GABRB1: variants seen among roughly 807,000 people sequenced by gnomAD.
The protein encoded by GABRB1 is gamma-aminobutyric acid type A receptor subunit beta1.
In GABRB1, 17 loss-of-function variants were observed where a neutral mutation model predicts 51.6. The observed-to-expected ratio is 0.33, with a 90% confidence interval of 0.23 to 0.49. The LOEUF (loss-of-function observed/expected upper bound fraction) is 0.49. GABRB1 is among the 20% of genes least tolerant of loss of function. The pLI, the probability that GABRB1 is intolerant of heterozygous loss-of-function variation, is 0.99. For missense variants in GABRB1, 410 were observed against 600.6 expected (o/e 0.68, Z 3.32); for synonymous variants, 247 against 218.9 (o/e 1.13, Z -1.14).
intron 1 of GABRB1, among the ~76,000 whole-genome samples, chr4:47,019,280 T>C (rs1724838111): frequency 6.6e-6 from 1 of 152,188 alleles, no homozygotes; most frequent in Non-Finnish European, 1.5e-5. Flanking sequence ...GTTTTCTTTC[T>C]ACCTGTTTCT....
intron 4 of GABRB1, among the ~76,000 whole-genome samples, chr4:47,280,814 A>AT (rs750413197): frequency 0.048 from 5,973 of 124,926 alleles, 250 homozygotes; most frequent in African/African-American, 0.11. Flanking sequence ...TGTCTGGCTA[A>AT]TTTTTTTTTT....
chr4:47,203,047 C>A lies in GABRB1; in HGVS notation c.461+41578C>A, dbSNP rs578007063. Among the ~76,000 whole-genome samples the A allele has an allele frequency of 5.7e-4, 87 of 152,282 alleles. No homozygotes were observed. The South Asian group carries it at 8.9e-3, about 16-fold the overall frequency. ...CCTCCACCTCCCATACAGATACCTTCCAAGTAGGCTTTTCTGAGGAAAAGT... is the reference window on the plus strand; with the variant it reads ...CCTCCACCTCCCATACAGATACCTTACAAGTAGGCTTTTCTGAGGAAAAGT... On this transcript the variant is annotated intron_variant, in intron 4 of 8. Transcript: ENST00000295454.
At chr4:47,295,966 A>G (rs1433903984) in intron 4 of GABRB1, among the ~76,000 whole-genome samples, 1 of 152,152 alleles carries the variant, frequency 6.6e-6, no homozygotes, top group Non-Finnish European at 1.5e-5. Flanking sequence ...ACATTCTTAA[A>G]GAAAAGAATT....
At chr4:47,396,164 C>T (rs1011153460) in intron 5 of GABRB1, among the ~76,000 whole-genome samples, 1 of 152,054 alleles carries the variant, frequency 6.6e-6, no homozygotes, top group South Asian at 2.1e-4. Flanking sequence ...ACAACCATGG[C>T]AGAAGGCAAG....
rs899314829 is a variant in GABRB1 at position 47,085,575 on chromosome 4, T to TA, written c.240+53101dup. Among the ~76,000 whole-genome samples the TA allele has an allele frequency of 1.5e-3, 226 of 150,136 alleles. 1 individual carries two copies. The highest frequency in any genetic ancestry group is 1.2e-3 in the Non-Finnish European group (79 of 67,360). On this transcript the variant is annotated intron_variant, in intron 3 of 8. Coordinates refer to ENST00000295454, the MANE Select transcript of GABRB1 (RefSeq NM_000812.4). ...ACAACAAATTTAGAACAGCAAGTTC[T>TA]AAAAAAAAAATCTCACTTCTCAACA... is the stretch of plus-strand genomic sequence containing the variant.
chr4:47,187,289 C>A (rs937590079), intron 4 of GABRB1, among the ~76,000 whole-genome samples: 1 of 151,938 alleles, frequency 6.6e-6, no homozygotes. Flanking sequence ...AGGACTTAAA[C>A]CCACATTGGA....
At chr4:47,297,929 G>C (rs1452893304) in intron 4 of GABRB1, among the ~76,000 whole-genome samples, 1 of 152,146 alleles carries the variant, frequency 6.6e-6, no homozygotes, top group Non-Finnish European at 1.5e-5. Context: ...TGCAAGGCTG[G>C]TTCAATATAC....
chr4:47,149,657 C>T (rs1228591958), intron 3 of GABRB1, among the ~76,000 whole-genome samples: 4 of 151,928 alleles, frequency 2.6e-5, no homozygotes, highest in African/African-American at 9.7e-5. Context: ...CAGTCTATAT[C>T]CTTAATTCAT....
At chr4:47,144,795 G>GTCA (rs1184045425) in intron 3 of GABRB1, among the ~76,000 whole-genome samples, 1 of 150,372 alleles carries the variant, frequency 6.7e-6, no homozygotes, top group Admixed American at 6.7e-5. Context: ...CTAACAGTGT[G>GTCA]TCATGCTTGC....
At chr4:47,097,298 A>G (rs1714491266) in intron 3 of GABRB1, among the ~76,000 whole-genome samples, 1 of 152,108 alleles carries the variant, frequency 6.6e-6, no homozygotes, top group Admixed American at 6.6e-5. Context: ...AGAACTCATC[A>G]GGCATGCTTC....
chr4:47,264,732 G>A (rs1722581007), intron 4 of GABRB1, among the ~76,000 whole-genome samples: 1 of 152,120 alleles, frequency 6.6e-6, no homozygotes, highest in Admixed American at 6.5e-5. Context: ...GTATACACCT[G>A]GGGGAATTAC....
At chr4:47,017,695 T>C (rs749340797) in intron 1 of GABRB1, among the ~76,000 whole-genome samples, 8 of 152,090 alleles carry the variant, frequency 5.3e-5, no homozygotes, top group Non-Finnish European at 1.2e-4. Flanking sequence ...TGAAATATTG[T>C]CAAGATACTT....
chr4:47,284,303 T>TA (rs1723421668), intron 4 of GABRB1, among the ~76,000 whole-genome samples: 1 of 152,002 alleles, frequency 6.6e-6, no homozygotes, highest in South Asian at 2.1e-4. Context: ...GACAAGCATG[T>TA]AAAGATGGCC....
chr4:47,045,612 T>A (rs1349200321), intron 3 of GABRB1, among the ~76,000 whole-genome samples: 1 of 151,978 alleles, frequency 6.6e-6, no homozygotes, highest in African/African-American at 2.4e-5. Flanking sequence ...CTGTGTCTGT[T>A]GAGGGGCTAC....
At chr4:47,344,565 G>T (rs895298611) in intron 5 of GABRB1, among the ~76,000 whole-genome samples, 6 of 152,028 alleles carry the variant, frequency 3.9e-5, no homozygotes, top group Admixed American at 3.9e-4. Flanking sequence ...TTTTTTACAT[G>T]ACCACCTATT....
chr4:47,217,074 A>G (rs55849892), intron 4 of GABRB1, among the ~76,000 whole-genome samples: 17,915 of 151,918 alleles, frequency 0.12, 1,312 homozygotes, highest in Non-Finnish European at 0.15. Flanking sequence ...TAAACTCATT[A>G]TAATAAATAG....
intron 5 of GABRB1, among the ~76,000 whole-genome samples, chr4:47,332,961 A>G (rs920400979): frequency 6.6e-5 from 10 of 151,526 alleles, no homozygotes; most frequent in African/African-American, 2.4e-4. Context: ...CATGCCTTGA[A>G]ATAGGTGGAC....
At chr4:47,058,999 T>C (rs908141070) in intron 3 of GABRB1, among the ~76,000 whole-genome samples, 3 of 152,198 alleles carry the variant, frequency 2.0e-5, no homozygotes, top group African/African-American at 7.2e-5. Flanking sequence ...GATTAACTAA[T>C]TAACTGATAG....
chr4:47,271,133 G>A (rs187637513), intron 4 of GABRB1, among the ~76,000 whole-genome samples: 2 of 152,018 alleles, frequency 1.3e-5, no homozygotes, highest in South Asian at 4.2e-4. Context: ...GAAAATGCAG[G>A]AAAATGTTAG....
Sources: gnomAD v4.1 joint callset for allele counts (sites outside exome capture counted in the v4.1 genomes callset) on GRCh38, gnomAD v4.1.1 for gene constraint, MANE v1.5 for transcripts, NCBI Gene and HGNC (gene_info 2026-07-23, HGNC 2026-07-21) for gene names.